SELENOF: variants seen among roughly 807,000 people sequenced by gnomAD.
SELENOF encodes the protein selenoprotein F, also known as 15 kDa selenoprotein.
Under a neutral mutation model 20.5 loss-of-function variants are expected in SELENOF, and 16 were observed. The ratio of observed to expected loss-of-function variants is 0.78; its 90% CI spans 0.53 to 1.19. The LOEUF (loss-of-function observed/expected upper bound fraction) is 1.19, where lower values mean the gene tolerates loss of function less well. SELENOF is among the 50% of genes most tolerant of loss of function. The pLI, the probability that SELENOF is intolerant of heterozygous loss-of-function variation, is 0.00. For synonymous variants in SELENOF, 78 were observed against 74.5 expected (o/e 1.05, Z -0.24); for missense variants, 215 against 194.2 (o/e 1.11, Z -0.64).
intron 2 of SELENOF, among the ~76,000 whole-genome samples, chr1:86,881,808 ACTGACCCTT>A (rs1659077182): frequency 6.6e-6 from 1 of 152,196 alleles, no homozygotes; most frequent in African/African-American, 2.4e-5. Context: ...TTGGGGAGTC[ACTGACCCTT>A]CTGAGAATCT....
chr1:86,906,876 G>A (rs1659840744), intron 1 of SELENOF, among the ~76,000 whole-genome samples: 1 of 152,292 alleles, frequency 6.6e-6, no homozygotes, highest in African/African-American at 2.4e-5. Flanking sequence ...ATTCTGTTTT[G>A]CAGCCATAGT....
intron 2 of SELENOF, among the ~76,000 whole-genome samples, chr1:86,894,659 T>C (rs1659474349): frequency 6.6e-6 from 1 of 152,086 alleles, no homozygotes; most frequent in Non-Finnish European, 1.5e-5. Flanking sequence ...GGCAACATGG[T>C]GAGACCTTGT....
At chr1:86,903,541 A>G (rs749740975) in intron 1 of SELENOF, 93 bp from the exon 2 acceptor site, 3 of 792,796 alleles carry the variant, frequency 3.8e-6, no homozygotes, top group Non-Finnish European at 3.8e-6. Context: ...AAACTAACAC[A>G]TTGAAGACAA....
At chr1:86,874,615 C>T (rs1658876984) in intron 3 of SELENOF, among the ~76,000 whole-genome samples, 1 of 151,526 alleles carries the variant, frequency 6.6e-6, no homozygotes, top group Admixed American at 6.6e-5. Context: ...CACATCTGTC[C>T]TCCTCCTTGT....
At chr1:86,866,230 C>CTGTGTG (rs60714256) in intron 4 of SELENOF, among the ~76,000 whole-genome samples, 10,357 of 113,566 alleles carry the variant, frequency 0.091, 498 homozygotes, top group African/African-American at 0.1. Context: ...GTGTGTGTCT[C>CTGTGTG]TGTGTGTGTG....
intron 2 of SELENOF, among the ~76,000 whole-genome samples, chr1:86,899,567 C>CG (rs1413210190): frequency 6.7e-6 from 1 of 149,586 alleles, no homozygotes; most frequent in Non-Finnish European, 1.5e-5. Context: ...CCCTCCCGGA[C>CG]GGGGCGGCTG....
At chr1:86,865,997 C>A (rs1409187756) in intron 4 of SELENOF, among the ~76,000 whole-genome samples, 1 of 151,634 alleles carries the variant, frequency 6.6e-6, no homozygotes, top group Non-Finnish European at 1.5e-5. Flanking sequence ...GAATACAAGA[C>A]CAGCTTAGGC....
At chr1:86,891,139 C>T (rs1460843815) in intron 2 of SELENOF, among the ~76,000 whole-genome samples, 1 of 151,498 alleles carries the variant, frequency 6.6e-6, no homozygotes, top group African/African-American at 2.4e-5. Flanking sequence ...AACCTCTACC[C>T]CCTGGGTTCA....
rs77238406 is a variant in SELENOF, at chr1:86,882,494, TAA to T, written c.253-1771_253-1770del. Among the ~76,000 whole-genome samples, 739 of 130,126 alleles carry T rather than the reference TAA, an allele frequency of 5.7e-3. 3 individuals carry two copies. Among genetic ancestry groups the T allele is most frequent in the Non-Finnish European group, 9.5e-3 (568 of 60,056 alleles). 85.4% of individuals were successfully genotyped at this position (130,126 alleles called of 152,430 possible). ...TTCACATCACTGGGATAGCTATTAT[TAA>T]AAAAAAAAAAAAAAGAGATGAGGAT... On this transcript the variant is annotated intron_variant, in intron 2 of 4. Transcript: ENST00000331835.
At chr1:86,914,364 A>G (rs1660083992), upstream of SELENOF, 2 of 533,898 alleles carry the variant, frequency 3.7e-6, no homozygotes, top group South Asian at 4.5e-5. Flanking sequence ...TTTATTCACG[A>G]CACTTCGTCA....
chr1:86,867,212 C>T (rs936136646), intron 4 of SELENOF, among the ~76,000 whole-genome samples: 6 of 151,940 alleles, frequency 3.9e-5, no homozygotes, highest in African/African-American at 1.2e-4. Context: ...GGTGGCCAGG[C>T]GCAGTGGCTC....
chr1:86,883,976 T>G (rs1319098756), intron 2 of SELENOF, among the ~76,000 whole-genome samples: 1 of 152,220 alleles, frequency 6.6e-6, no homozygotes, highest in African/African-American at 2.4e-5. Context: ...AAAAAACTTT[T>G]GTTGATTTCC....
intron 2 of SELENOF, among the ~76,000 whole-genome samples, chr1:86,899,280 C>T (rs1339149406): frequency 6.6e-6 from 1 of 150,802 alleles, no homozygotes; most frequent in Admixed American, 6.6e-5. Flanking sequence ...CATCATGGCC[C>T]GTTCTCAATG....
At chr1:86,910,788 T>C (rs924892244) in intron 1 of SELENOF, among the ~76,000 whole-genome samples, 6 of 151,874 alleles carry the variant, frequency 4.0e-5, no homozygotes, top group African/African-American at 1.2e-4. Context: ...GAATCATATC[T>C]AAGGCAGAGT....
chr1:86,868,660 G>GA lies in SELENOF; in HGVS notation c.317-559dup, dbSNP rs566287269. 2.3e-3 allele frequency among the ~76,000 whole-genome samples: 345 copies of GA among 147,890 alleles called. 1 individual carries two copies. The highest frequency in any genetic ancestry group is 7.0e-3 in the South Asian group (33 of 4,714). On this transcript the variant is annotated intron_variant, in intron 3 of 4. Coordinates refer to ENST00000331835, the MANE Select transcript of SELENOF (RefSeq NM_004261.5). ...TGAGAAAGGTGCCAAACTGTTTATA[G>GA]AAAAAAAAAATCACAGAACTAATGA...
At chr1:86,876,805 G>A (rs1437466880) in intron 3 of SELENOF, among the ~76,000 whole-genome samples, 1 of 152,210 alleles carries the variant, frequency 6.6e-6, no homozygotes, top group Non-Finnish European at 1.5e-5. Context: ...AGAAAGCTAG[G>A]AGATAATGAA....
intron 1 of SELENOF, among the ~76,000 whole-genome samples, chr1:86,905,612 A>T (rs1659808705): frequency 6.6e-6 from 1 of 152,186 alleles, no homozygotes; most frequent in Non-Finnish European, 1.5e-5. Context: ...TCTGAAGGCA[A>T]GCATTAAGTT....
chr1:86,863,922 C>T (rs930278184), intron 4 of SELENOF, among the ~76,000 whole-genome samples: 2 of 152,150 alleles, frequency 1.3e-5, no homozygotes, highest in African/African-American at 4.8e-5. Context: ...TCAAGTGATC[C>T]TCCCACCTCA....
chr1:86,912,003 C>T (rs1482509683), intron 1 of SELENOF, among the ~76,000 whole-genome samples: 3 of 152,036 alleles, frequency 2.0e-5, no homozygotes, highest in African/African-American at 7.2e-5. Flanking sequence ...AACTCCTGAC[C>T]TCAGGTGATT....
Sources: allele counts gnomAD v4.1 joint callset (sites outside exome capture counted in the v4.1 genomes callset), GRCh38; gene constraint gnomAD v4.1.1; transcripts MANE v1.5; gene names NCBI Gene and HGNC (gene_info 2026-07-23, HGNC 2026-07-21).